NKAIN3: variants seen among roughly 807,000 people sequenced by gnomAD.
The protein encoded by NKAIN3 is sodium/potassium transporting ATPase interacting 3.
Under a neutral mutation model 30.2 loss-of-function variants are expected in NKAIN3, and 25 were observed. That is an observed-to-expected ratio of 0.83 (90% CI 0.60 to 1.16). The LOEUF is 1.16. Among genes scored for constraint, NKAIN3 ranks in the 50% most tolerant of loss-of-function variants. The probability of loss-of-function intolerance (pLI) is 0.00; values close to 1 mark genes in which losing one functional copy is unlikely to be tolerated. For missense variants in NKAIN3, 225 were observed against 254.1 expected, an observed-to-expected ratio of 0.89 and a Z score of 0.78; for synonymous variants, 91 against 89.6, an observed-to-expected ratio of 1.02 and a Z score of -0.09.
intron 1 of NKAIN3, among the ~76,000 whole-genome samples, chr8:62,420,932 C>T (rs1029870664): frequency 6.6e-6 from 1 of 152,098 alleles, no homozygotes; most frequent in African/African-American, 2.4e-5. Context: ...AGCTATACTA[C>T]ACAGAAATGG....
chr8:62,615,248 A>C (rs1811416033), intron 3 of NKAIN3, among the ~76,000 whole-genome samples: 2 of 152,038 alleles, frequency 1.3e-5, no homozygotes, highest in Admixed American at 6.5e-5. Flanking sequence ...CCTTTCCTTC[A>C]AGGCAACAGG....
At chr8:62,527,099 C>A (rs1182980136) in intron 1 of NKAIN3, among the ~76,000 whole-genome samples, 2 of 152,186 alleles carry the variant, frequency 1.3e-5, no homozygotes, top group East Asian at 3.9e-4. Context: ...TCATAGTCCC[C>A]AAACCAGAGA....
intron 1 of NKAIN3, among the ~76,000 whole-genome samples, chr8:62,311,514 TCCA>T (rs1814428910): frequency 6.6e-6 from 1 of 150,570 alleles, no homozygotes; most frequent in Admixed American, 6.6e-5. Flanking sequence ...GACTCGAAAC[TCCA>T]CCATCATTTC....
Position 62,806,247 on chromosome 8 carries a change from G to A in NKAIN3, c.471+59118G>A, listed in dbSNP as rs200247552. 3.4e-4 allele frequency among the ~76,000 whole-genome samples: 52 copies of A among 152,254 alleles called. No individual in the cohort carries two copies. In the East Asian group the frequency reaches 7.0e-3, roughly 20 times the overall value. ...CAACCATTGTGGAAGTCAGTGTGGC[G>A]ATTCCTCAGGGATCTAGAACTAGAA... On this transcript the variant is annotated intron_variant, in intron 4 of 6. Transcript: ENST00000623646.
At chr8:62,424,963 G>T (rs1403971713) in intron 1 of NKAIN3, among the ~76,000 whole-genome samples, 2 of 151,804 alleles carry the variant, frequency 1.3e-5, no homozygotes, top group Admixed American at 6.6e-5. Context: ...CCTTAAAAAA[G>T]AAGCAAATCC....
At chr8:62,964,928 G>A (rs1161252707) in intron 6 of NKAIN3, among the ~76,000 whole-genome samples, 2 of 152,176 alleles carry the variant, frequency 1.3e-5, no homozygotes, top group Non-Finnish European at 2.9e-5. Context: ...ATGTGTGTAA[G>A]GAACATAAGT....
chr8:62,513,663 T>C (rs6994406), intron 1 of NKAIN3, among the ~76,000 whole-genome samples: 4,712 of 148,038 alleles, frequency 0.032, 280 homozygotes, highest in African/African-American at 0.11. Context: ...AGCCAAGGAG[T>C]TTGAGATTAG....
intron 3 of NKAIN3, among the ~76,000 whole-genome samples, chr8:62,670,828 G>A (rs750368870): frequency 1.3e-5 from 2 of 150,640 alleles, no homozygotes; most frequent in African/African-American, 2.4e-5. Context: ...TCCAAAACAA[G>A]TTAAAGTATG....
intron 4 of NKAIN3, among the ~76,000 whole-genome samples, chr8:62,749,130 C>T (rs986291278): frequency 6.6e-6 from 1 of 152,036 alleles, no homozygotes; most frequent in African/African-American, 2.4e-5. Context: ...ACAGATTACT[C>T]TCCTTTAAAA....
intron 1 of NKAIN3, among the ~76,000 whole-genome samples, chr8:62,536,468 A>C (rs1304313618): frequency 6.6e-6 from 1 of 152,080 alleles, no homozygotes; most frequent in Non-Finnish European, 1.5e-5. Flanking sequence ...TATCAAGTGG[A>C]TTTATTGAAT....
At chr8:62,720,588 T>C (rs73266945) in intron 3 of NKAIN3, among the ~76,000 whole-genome samples, 2,634 of 152,328 alleles carry the variant, frequency 0.017, 56 homozygotes, top group African/African-American at 0.054. Flanking sequence ...GCCCAGGCAG[T>C]CAGTCTTTCT....
intron 1 of NKAIN3, among the ~76,000 whole-genome samples, chr8:62,258,794 A>G (rs1160049694): frequency 6.6e-6 from 1 of 152,244 alleles, no homozygotes; most frequent in Non-Finnish European, 1.5e-5. Context: ...ACAAGATGTT[A>G]CTGAGCTAGA....
chr8:62,647,485 T>C (rs950505427), intron 3 of NKAIN3, among the ~76,000 whole-genome samples: 1 of 152,104 alleles, frequency 6.6e-6, no homozygotes. Context: ...TGAGAACAAA[T>C]CTACAGGTGC....
At chr8:62,946,509 C>T (rs1823128858) in intron 5 of NKAIN3, among the ~76,000 whole-genome samples, 1 of 152,200 alleles carries the variant, frequency 6.6e-6, no homozygotes, top group South Asian at 2.1e-4. Flanking sequence ...TAACTAGTCT[C>T]TCCTAAAAGC....
At chr8:62,641,703 G>A (rs1306949200) in intron 3 of NKAIN3, among the ~76,000 whole-genome samples, 1 of 152,094 alleles carries the variant, frequency 6.6e-6, no homozygotes, top group Non-Finnish European at 1.5e-5. Context: ...TTAGGAAGGG[G>A]TTAGTTATCT....
chr8:62,890,161 G>A (rs1184583039), intron 4 of NKAIN3, among the ~76,000 whole-genome samples: 1 of 152,170 alleles, frequency 6.6e-6, no homozygotes, highest in Admixed American at 6.5e-5. Flanking sequence ...GCATTAAAAT[G>A]TTCTGATAAG....
chr8:62,798,408 G>A (rs1296674572), intron 4 of NKAIN3, among the ~76,000 whole-genome samples: 3 of 151,728 alleles, frequency 2.0e-5, no homozygotes, highest in Non-Finnish European at 4.4e-5. Flanking sequence ...CATCTCTACT[G>A]AAAATACAAA....
intron 6 of NKAIN3, among the ~76,000 whole-genome samples, chr8:62,957,672 A>C (rs1823460513): frequency 6.6e-6 from 1 of 152,206 alleles, no homozygotes; most frequent in South Asian, 2.1e-4. Flanking sequence ...GGGAAAGGCA[A>C]AACTATGGAG....
At chr8:62,801,547 C>G (rs921344532) in intron 4 of NKAIN3, among the ~76,000 whole-genome samples, 3 of 152,184 alleles carry the variant, frequency 2.0e-5, no homozygotes, top group Non-Finnish European at 2.9e-5. Context: ...AACAGACCTG[C>G]AGCTGAGGGT....
Sources: allele counts gnomAD v4.1 joint callset (sites outside exome capture counted in the v4.1 genomes callset), GRCh38; gene constraint gnomAD v4.1.1; transcripts MANE v1.5; gene names NCBI Gene and HGNC (gene_info 2026-07-23, HGNC 2026-07-21).